Variants in TRANK1 observed in about 807,000 individuals in gnomAD.
TRANK1 encodes the protein tetratricopeptide repeat and ankyrin repeat containing 1.
TRANK1 carries 198 observed loss-of-function variants against 266.0 expected under a neutral mutation model. The observed-to-expected ratio is 0.74, with a 90% CI of 0.66 to 0.84. The LOEUF (loss-of-function observed/expected upper bound fraction) is 0.84, where lower values mean the gene tolerates loss of function less well. Among genes scored for constraint, TRANK1 ranks in the 40% least tolerant of loss-of-function variants. The pLI, the probability that TRANK1 is intolerant of heterozygous loss-of-function variation, is 0.00. For missense variants in TRANK1, 3,326 were observed against 3,634.6 expected, an observed-to-expected ratio of 0.92 and a Z score of 2.18; for synonymous variants, 1,396 against 1,384.1, an observed-to-expected ratio of 1.01 and a Z score of -0.19.
chr3:36,851,663 G>T, intron 15 of TRANK1, 56 bp downstream of exon 15: 1 of 1,555,432 alleles, frequency 6.4e-7, no homozygotes, highest in South Asian at 1.2e-5. Flanking sequence ...TCCCCAGAGG[G>T]AAGTTCAGCT....
At chr3:36,922,140 C>A (rs2080224484) in intron 1 of TRANK1, among the ~76,000 whole-genome samples, 1 of 151,586 alleles carries the variant, frequency 6.6e-6, no homozygotes, top group African/African-American at 2.4e-5. Context: ...AGTGAAACCC[C>A]ATCTCAATAA....
At chr3:36,846,169 C>A (rs780949043) in intron 17 of TRANK1, 79 bp downstream of exon 17, 6 of 1,349,334 alleles carry the variant, frequency 4.4e-6, no homozygotes, top group Non-Finnish European at 6.0e-6. Flanking sequence ...AAATACCACA[C>A]CTTTTATTCC....
Position 36,902,712 on chromosome 3 carries a change from T to G in TRANK1, c.282+437A>C, listed in dbSNP as rs562583944. Among the ~76,000 whole-genome samples the G allele has an allele frequency of 4.6e-5, 7 of 152,362 alleles. No individual in the cohort carries two copies. The South Asian group carries it at 1.2e-3, about 27-fold the overall frequency. On this transcript the variant is annotated intron_variant, in intron 3 of 23. Coordinates refer to ENST00000645898, the MANE Select transcript of TRANK1 (RefSeq NM_001329998.2). Reference sequence around the variant, plus strand: ...TTGGTTTTGTGTCACCCACCCAGCTTGCATTTGAAGTAAAGCTTTGCTCAG... The same window carrying G: ...TTGGTTTTGTGTCACCCACCCAGCTGGCATTTGAAGTAAAGCTTTGCTCAG...
intron 1 of TRANK1, among the ~76,000 whole-genome samples, chr3:36,939,026 T>C (rs895194717): frequency 6.6e-6 from 1 of 151,288 alleles, no homozygotes; most frequent in Non-Finnish European, 1.5e-5. Flanking sequence ...AATTGCAGCT[T>C]CTTGAGAGTC....
At chr3:36,919,058 C>T (rs1161404299) in intron 1 of TRANK1, among the ~76,000 whole-genome samples, 1 of 152,206 alleles carries the variant, frequency 6.6e-6, no homozygotes, top group Non-Finnish European at 1.5e-5. Flanking sequence ...GGTCAAACAA[C>T]ATACAGCAAC....
rs1473489965 is a variant in TRANK1, at chr3:36,855,845, C to T, written c.3877G>A (p.Glu1293Lys). ...TAGTCCCCATCCACCTCAGCCTCCTCTTCATCCTCTTGCCAACTAGGAATG... is the reference window on the plus strand; with the variant it reads ...TAGTCCCCATCCACCTCAGCCTCCTTTTCATCCTCTTGCCAACTAGGAATG... ...STIPSWQEDE[E>K]EAEVDGDYSE... The change falls in exon 13 of 24, where the codon GAG (glutamate) becomes AAG (lysine). Residue 1293 changes from glutamate to lysine, a missense_variant. Coordinates refer to ENST00000645898, the MANE Select transcript of TRANK1 (RefSeq NM_001329998.2). The T allele has an allele frequency of 5.0e-6, 8 of 1,613,622 alleles. No homozygotes were observed. The highest frequency in any genetic ancestry group is 6.8e-6 in the Non-Finnish European group (8 of 1,179,854).
chr3:36,841,915 G>A (rs79440461), intron 18 of TRANK1, among the ~76,000 whole-genome samples: 8 of 143,692 alleles, frequency 5.6e-5, no homozygotes, highest in Non-Finnish European at 1.1e-4. Context: ...AAAAAAAAAA[G>A]CACTCTTTTA....
At position 36,856,596 on chromosome 3, in the gene TRANK1, A is replaced by C. The variant is rs1490438477; in HGVS notation, c.3126T>G (p.Asn1042Lys). The change falls in exon 13 of 24, where the codon AAT becomes AAG. Residue 1042 changes from asparagine (N) to lysine (K), a missense_variant. Transcript: ENST00000645898. Reference sequence around the variant, plus strand: ...GGTACTCCACTGTGGCTGTCGTGTCATTGAGGATGTTAAAGGCCATGTTGG... The same window carrying C: ...GGTACTCCACTGTGGCTGTCGTGTCCTTGAGGATGTTAAAGGCCATGTTGG... Reference protein sequence around the residue: ...FSTNMAFNILNDTTATVEYPF... With the variant: ...FSTNMAFNILKDTTATVEYPF... 6.2e-7 allele frequency: 1 copy of C among 1,613,978 alleles called. No homozygotes were observed. The highest frequency in any genetic ancestry group is 1.7e-5 in the Admixed American group (1 of 60,024).
At chr3:36,871,014 A>G (rs1389505198) in intron 9 of TRANK1, among the ~76,000 whole-genome samples, 1 of 151,796 alleles carries the variant, frequency 6.6e-6, no homozygotes, top group East Asian at 1.9e-4. Context: ...CTAAACCAAC[A>G]TGAATGACTT....
chr3:36,893,283 C>CA (rs900158575), intron 5 of TRANK1, among the ~76,000 whole-genome samples: 13 of 147,926 alleles, frequency 8.8e-5, no homozygotes, highest in Non-Finnish European at 1.8e-4. Flanking sequence ...AATGAGATTA[C>CA]AAAAAAAAAA....
At chr3:36,890,997 A>G (rs1360688343) in intron 7 of TRANK1, among the ~76,000 whole-genome samples, 2 of 152,222 alleles carry the variant, frequency 1.3e-5, no homozygotes, top group Non-Finnish European at 2.9e-5. Context: ...GTAGCTTTCA[A>G]TCAGGCTTTA....
chr3:36,835,135 C>G (rs1298326757), intron 20 of TRANK1, among the ~76,000 whole-genome samples: 1 of 151,166 alleles, frequency 6.6e-6, no homozygotes, highest in African/African-American at 2.4e-5. Flanking sequence ...CCGGCTAAAA[C>G]GGTGAAACCC....
In TRANK1 at chr3:36,852,152, G is replaced by A; in HGVS notation, c.4743C>T (p.Ala1581=). 6.3e-7 allele frequency: 1 copy of A among 1,582,806 alleles called. No homozygotes were observed. The change falls in exon 14 of 24, where the codon GCC becomes GCT. Residue 1581 remains alanine (A), a synonymous_variant. Transcript: ENST00000645898. ...AAAATCCCAAGCAGCTCACCTGGTG[G>A]GCTCCAAATTCAATGGGCTGAGTTT... ...KRKTQPIEFG[A]HQVILVANET...
chr3:36,896,542 T>C (rs1479208033), intron 4 of TRANK1, among the ~76,000 whole-genome samples: 1 of 152,212 alleles, frequency 6.6e-6, no homozygotes, highest in Non-Finnish European at 1.5e-5. Flanking sequence ...TTTGGTAAAG[T>C]ATTGGCTGCA....
chr3:36,883,655 C>A (rs977861265), intron 8 of TRANK1, among the ~76,000 whole-genome samples: 1 of 151,686 alleles, frequency 6.6e-6, no homozygotes, highest in Non-Finnish European at 1.5e-5. Context: ...GATGGGCAGG[C>A]GGCAGAAAGG....
chr3:36,853,992 A>G (rs2079017246), intron 13 of TRANK1, among the ~76,000 whole-genome samples: 1 of 152,234 alleles, frequency 6.6e-6, no homozygotes, highest in Admixed American at 6.5e-5. Flanking sequence ...TAAACTGAAC[A>G]TTTCAAATGG....
In TRANK1 at chr3:36,944,802, T is replaced by C; in HGVS notation, c.8A>G (p.Asp3Gly). 1 of 1,492,272 alleles carries C rather than the reference T, an allele frequency of 6.7e-7. No individual in the cohort carries two copies. Among genetic ancestry groups the C allele is most frequent in the African/African-American group, 1.5e-5 (1 of 68,680 alleles). The allele number at this position is 1,492,272 out of a possible 1,614,324, so 92.4% of individuals were successfully genotyped here. The change falls in exon 1 of 24, where the codon GAC (aspartate) becomes GGC (glycine). Residue 3 changes from aspartate to glycine, a missense_variant. By Grantham distance (94) the Asp-to-Gly change is moderately conservative. Transcript: ENST00000645898. ...CGCTACGCACCTAGCTGCCCGCGGG[T>C]CCCACATGGCTGCGGCCGGAGGGTC... MW[D>G]PRAARMDLTA...
At chr3:36,852,528 G>A (rs2078998175) in intron 13 of TRANK1, among the ~76,000 whole-genome samples, 183 bp from the exon 14 acceptor site, 1 of 152,114 alleles carries the variant, frequency 6.6e-6, no homozygotes, top group South Asian at 2.1e-4. Context: ...TGGGTGCAGG[G>A]GATGAGAAGG....
In TRANK1 at chr3:36,919,493, A is replaced by T. The variant is rs1030565570; in HGVS notation, c.24-11039T>A. 6.6e-5 allele frequency among the ~76,000 whole-genome samples: 10 copies of T among 152,324 alleles called. No homozygotes were observed. The East Asian group carries it at 1.7e-3, about 26-fold the overall frequency. ...TTATTGCTGTGTAGTGTTTGATTTTATTAATATACCACAATTTACTTATCC... is the reference window on the plus strand; with the variant it reads ...TTATTGCTGTGTAGTGTTTGATTTTTTTAATATACCACAATTTACTTATCC... On this transcript the variant is annotated intron_variant, in intron 1 of 23. Transcript: ENST00000645898.
Sources: gnomAD v4.1 joint callset for allele counts (sites outside exome capture counted in the v4.1 genomes callset) on GRCh38, gnomAD v4.1.1 for gene constraint, MANE v1.5 for transcripts, NCBI Gene and HGNC (gene_info 2026-07-23, HGNC 2026-07-21) for gene names.